MPPED1: variants seen among roughly 807,000 people sequenced by gnomAD.
MPPED1 encodes the protein metallophosphoesterase domain-containing protein 1.
In MPPED1, 16 loss-of-function variants were observed where a neutral mutation model predicts 36.2. The observed-to-expected ratio is 0.44, with a 90% CI of 0.30 to 0.67. The LOEUF is 0.67. Ranked by LOEUF, MPPED1 falls within the 30% of genes least tolerant of loss-of-function variation. The probability of loss-of-function intolerance (pLI) is 0.10; values close to 1 mark genes in which losing one functional copy is unlikely to be tolerated. For missense variants in MPPED1, 307 were observed against 453.4 expected, an observed-to-expected ratio of 0.68 and a Z score of 2.93; for synonymous variants, 199 against 191.3, an observed-to-expected ratio of 1.04 and a Z score of -0.33.
intron 2 of MPPED1, among the ~76,000 whole-genome samples, chr22:43,426,343 C>G (rs976746278): frequency 1.1e-4 from 16 of 152,158 alleles, no homozygotes; most frequent in Admixed American, 9.8e-4. Context: ...CAAGCTGGGT[C>G]TGGATGAGGG....
chr22:43,426,714 G>C (rs1465520334), intron 2 of MPPED1, among the ~76,000 whole-genome samples: 4 of 152,246 alleles, frequency 2.6e-5, no homozygotes, highest in Admixed American at 6.5e-5. Flanking sequence ...AGGGCAGCAG[G>C]CTCCAGGCGG....
rs186781877 is a variant in MPPED1 at position 43,428,610 on chromosome 22, G to C, written c.224+3401G>C. On this transcript the variant is annotated intron_variant, in intron 2 of 6. Coordinates refer to ENST00000443721, the MANE Select transcript of MPPED1 (RefSeq NM_001044370.2). ...GGCTTTGTCTCCGGGGTGAGGGAGCGATGGAGCCTTATTTAATAAATCCAC... is the reference window on the plus strand; with the variant it reads ...GGCTTTGTCTCCGGGGTGAGGGAGCCATGGAGCCTTATTTAATAAATCCAC... Among the ~76,000 whole-genome samples the C allele has an allele frequency of 5.3e-3, 804 of 152,270 alleles. 9 individuals carry two copies. Among genetic ancestry groups the C allele is most frequent in the Non-Finnish European group, 8.2e-3 (558 of 68,030 alleles).
chr22:43,463,063 G>A (rs1214502471), intron 3 of MPPED1, among the ~76,000 whole-genome samples: 1 of 152,106 alleles, frequency 6.6e-6, no homozygotes, highest in Admixed American at 6.5e-5. Context: ...GAGTTTGGAA[G>A]GCATTTTTCC....
intron 5 of MPPED1, among the ~76,000 whole-genome samples, chr22:43,500,293 T>TGATGGTGATGGA (rs1569091885): frequency 1.9e-5 from 2 of 107,712 alleles, no homozygotes; most frequent in Non-Finnish European, 2.1e-5. Flanking sequence ...GTGATGGGGG[T>TGATGGTGATGGA]GGTGGTGGTG....
intron 1 of MPPED1, among the ~76,000 whole-genome samples, chr22:43,422,047 C>T (rs1929291913): frequency 6.6e-6 from 1 of 152,186 alleles, no homozygotes; most frequent in Non-Finnish European, 1.5e-5. Flanking sequence ...GAGCCCGACC[C>T]TGCCCTCAGG....
At chr22:43,475,151 C>T (rs1310223626) in intron 4 of MPPED1, among the ~76,000 whole-genome samples, 190 bp downstream of exon 4, 2 of 152,134 alleles carry the variant, frequency 1.3e-5, no homozygotes, top group Non-Finnish European at 1.5e-5. Flanking sequence ...TCCCACATCT[C>T]ACTGAAAATA....
At chr22:43,495,211 A>AGTGGAGGTGGTGGTGGTG (rs1234911660) in intron 4 of MPPED1, among the ~76,000 whole-genome samples, 2 of 107,750 alleles carry the variant, frequency 1.9e-5, no homozygotes, top group African/African-American at 3.7e-5. Flanking sequence ...TGGTGATGGA[A>AGTGGAGGTGGTGGTGGTG]GTGGAGGTGG....
chr22:43,452,388 T>C (rs1930601352), intron 3 of MPPED1, among the ~76,000 whole-genome samples: 1 of 152,106 alleles, frequency 6.6e-6, no homozygotes, highest in Non-Finnish European at 1.5e-5. Context: ...CTGCTGCCTG[T>C]GGTTCTGTAA....
chr22:43,490,054 A>T (rs1932035518), intron 4 of MPPED1, among the ~76,000 whole-genome samples: 1 of 152,200 alleles, frequency 6.6e-6, no homozygotes, highest in African/African-American at 2.4e-5. Context: ...AGGCTGGAAG[A>T]GGTGCAGTGA....
At chr22:43,491,532 A>ATGGTAGTGATGGAGGTGGTGGTGG (rs1602011774) in intron 4 of MPPED1, among the ~76,000 whole-genome samples, 1 of 131,548 alleles carries the variant, frequency 7.6e-6, no homozygotes, top group East Asian at 2.4e-4. Context: ...GGTGGTAGTG[A>ATGGTAGTGATGGAGGTGGTGGTGG]TGGTAGTGAT....
At position 43,498,224 on chromosome 22, in the gene MPPED1, T is replaced by C; in HGVS notation, c.633-11T>C. On this transcript the variant is annotated splice_polypyrimidine_tract_variant and intron_variant, in intron 4 of 6. Coordinates refer to ENST00000443721, the MANE Select transcript of MPPED1 (RefSeq NM_001044370.2). ...CCCGCCCTCCCTCAAACACCTGCAC[T>C]TCTTCTACAGGCAGCCCTGGTTCTA... 1 of 1,533,616 alleles carries C rather than the reference T, an allele frequency of 6.5e-7. No homozygotes were observed. The highest frequency in any genetic ancestry group is 1.2e-5 in the South Asian group (1 of 83,902).
At chr22:43,446,269 G>A (rs954212617) in intron 3 of MPPED1, among the ~76,000 whole-genome samples, 3 of 152,216 alleles carry the variant, frequency 2.0e-5, no homozygotes, top group African/African-American at 7.2e-5. Context: ...CTCAACAGAT[G>A]TTTCCTGAGC....
chr22:43,491,606 G>A (rs1378486721), intron 4 of MPPED1, among the ~76,000 whole-genome samples: 1 of 151,374 alleles, frequency 6.6e-6, no homozygotes, highest in Non-Finnish European at 1.5e-5. Context: ...TGATGGTGGT[G>A]TTGGTGATGG....
At chr22:43,427,164 C>G (rs1454409322) in intron 2 of MPPED1, among the ~76,000 whole-genome samples, 6 of 152,322 alleles carry the variant, frequency 3.9e-5, no homozygotes, top group African/African-American at 1.4e-4. Flanking sequence ...GGACCATGGA[C>G]AGCTGTCAAT....
Position 43,505,934 on chromosome 22 carries a change from G to A in MPPED1, c.*318G>A, listed in dbSNP as rs751153330. ...AAATCTTCATTCTTCTCCCTTGGAC[G>A]CCCTCCTGGTTTGGGAAGCTGCTGC... On this transcript the variant is annotated 3_prime_UTR_variant, in exon 7 of 7. Coordinates refer to ENST00000443721, the MANE Select transcript of MPPED1 (RefSeq NM_001044370.2). 3.5e-5 allele frequency: 8 copies of A among 228,684 alleles called. No homozygotes were observed. The highest frequency in any genetic ancestry group is 1.4e-4 in the African/African-American group (6 of 43,814). The allele number at this position is 228,684 out of a possible 1,614,324, so 14.2% of individuals were successfully genotyped here.
Position 43,505,730 on chromosome 22 carries a change from C to A in MPPED1, c.*114C>A. 2.2e-6 allele frequency: 2 copies of A among 920,282 alleles called. No homozygotes were observed. Among genetic ancestry groups the A allele is most frequent in the East Asian group, 2.7e-5 (1 of 37,560 alleles). 57.0% of individuals were successfully genotyped at this position (920,282 alleles called of 1,614,324 possible). On this transcript the variant is annotated 3_prime_UTR_variant, in exon 7 of 7. Transcript: ENST00000443721. ...CGACCCATCTGGCTGCGGGGACTGG[C>A]CTAGCAGGCAGGTCAGGGCCTTGGA...
chr22:43,500,050 G>A (rs941096256), intron 5 of MPPED1, among the ~76,000 whole-genome samples: 1 of 74,388 alleles, frequency 1.3e-5, no homozygotes, highest in Non-Finnish European at 2.3e-5. Flanking sequence ...GTGGTGATGG[G>A]GGTGGTGGTG....
At chr22:43,500,465 G>T (rs552782678) in intron 5 of MPPED1, among the ~76,000 whole-genome samples, 1 of 151,744 alleles carries the variant, frequency 6.6e-6, no homozygotes, top group African/African-American at 2.4e-5. Flanking sequence ...TGGTGGAGGT[G>T]GTGGAGGCGA....
intron 3 of MPPED1, among the ~76,000 whole-genome samples, chr22:43,466,679 C>G: frequency 6.6e-6 from 1 of 152,246 alleles, no homozygotes; most frequent in East Asian, 1.9e-4. Context: ...GTAGAGTGGA[C>G]AGGGCCACTA....
Sources: allele counts gnomAD v4.1 joint callset (sites outside exome capture counted in the v4.1 genomes callset), GRCh38; gene constraint gnomAD v4.1.1; transcripts MANE v1.5; gene names NCBI Gene and HGNC (gene_info 2026-07-23, HGNC 2026-07-21).